Variants in ZNF728 observed in about 807,000 individuals in gnomAD.
The protein encoded by ZNF728 is zinc finger protein 728.
In ZNF728, 12 loss-of-function variants were observed where a neutral mutation model predicts 12.5. The ratio of observed to expected loss-of-function variants is 0.96; its 90% confidence interval spans 0.61 to 1.55. ZNF728 has a LOEUF of 1.55. ZNF728 is among the 40% of genes most tolerant of loss of function. The probability of loss-of-function intolerance (pLI) is 0.00; values close to 1 mark genes in which losing one functional copy is unlikely to be tolerated. For synonymous variants in ZNF728, 205 were observed against 240.7 expected, an observed-to-expected ratio of 0.85 and a Z score of 1.37; for missense variants, 692 against 719.2, an observed-to-expected ratio of 0.96 and a Z score of 0.43.
chr19:22,987,228 T>C, intron 3 of ZNF728, 80 bp downstream of exon 3: 3 of 1,264,512 alleles, frequency 2.4e-6, no homozygotes, highest in Non-Finnish European at 3.2e-6. Flanking sequence ...GGAACACAGC[T>C]TCCCATATCA....
chr19:22,982,315 G>C (rs1968868432), intron 3 of ZNF728, among the ~76,000 whole-genome samples: 1 of 152,150 alleles, frequency 6.6e-6, no homozygotes, highest in Non-Finnish European at 1.5e-5. Flanking sequence ...CAAGGGATGT[G>C]AAGGACCTCT....
In ZNF728 at chr19:22,975,386, A is replaced by C. The variant is rs1968781443; in HGVS notation, c.*82T>G. On this transcript the variant is annotated 3_prime_UTR_variant, in exon 4 of 4. Coordinates refer to ENST00000594710, the MANE Select transcript of ZNF728 (RefSeq NM_001267716.2). ...AGTTAAAAAATTTGCCACATTCTTC[A>C]CATTTGTAGGGTTTCCCTCCTGTAT... 11 of 1,366,390 alleles carry C rather than the reference A, an allele frequency of 8.1e-6. No individual in the cohort carries two copies. The South Asian group carries it at 1.5e-4, about 19-fold the overall frequency. 84.6% of individuals were successfully genotyped at this position (1,366,390 alleles called of 1,614,324 possible).
Position 22,975,371 on chromosome 19 carries a change from T to A in ZNF728, c.*97A>T. On this transcript the variant is annotated 3_prime_UTR_variant, in exon 4 of 4. Coordinates refer to ENST00000594710, the MANE Select transcript of ZNF728 (RefSeq NM_001267716.2). ...TAAGGATTGAGGAACAGTTAAAAAA[T>A]TTGCCACATTCTTCACATTTGTAGG... 2 of 1,152,724 alleles carry A rather than the reference T, an allele frequency of 1.7e-6. No individual in the cohort carries two copies. The highest frequency in any genetic ancestry group is 2.5e-6 in the Non-Finnish European group (2 of 811,922). The allele number at this position is 1,152,724 out of a possible 1,614,324, so 71.4% of individuals were successfully genotyped here.
chr19:22,995,714 G>T (rs1485581222), intron 1 of ZNF728: 1 of 152,144 alleles, frequency 6.6e-6, no homozygotes, highest in Non-Finnish European at 1.5e-5. Flanking sequence ...TGGGATTAGA[G>T]GCATGAGCCA....
At chr19:22,977,768 G>A (rs112993757) in intron 3 of ZNF728, among the ~76,000 whole-genome samples, 69 of 151,892 alleles carry the variant, frequency 4.5e-4, no homozygotes, top group African/African-American at 1.5e-3. Context: ...ATAATCTCTA[G>A]CCAAGACCAT....
chr19:22,977,621 G>A (rs1437907780), intron 3 of ZNF728, among the ~76,000 whole-genome samples: 2 of 152,160 alleles, frequency 1.3e-5, no homozygotes, highest in African/African-American at 4.8e-5. Flanking sequence ...CAATGCAGCA[G>A]AGCACTGCAG....
chr19:22,975,519 G>A lies in ZNF728; in HGVS notation c.1818C>T (p.His606=). 1.3e-6 allele frequency: 2 copies of A among 1,566,356 alleles called. No individual in the cohort carries two copies. Among genetic ancestry groups the A allele is most frequent in the Non-Finnish European group, 1.7e-6 (2 of 1,158,344 alleles). The change falls in exon 4 of 4, where the codon CAC becomes CAT. Residue 606 remains histidine, a synonymous_variant. Transcript: ENST00000594710. ...TATGAATTCTCTTATGAGTAGTAAG[G>A]TGTGAGGATTGGTTGAAGTCTTTAC... The part of the protein sequence containing the change: ...ECGKDFNQSS[H]LTTHKRIHTG...
At chr19:22,995,836 C>A (rs1969044068) in intron 1 of ZNF728, 1 of 152,158 alleles carries the variant, frequency 6.6e-6, no homozygotes, top group South Asian at 2.1e-4. Context: ...TGACAACTTC[C>A]AGTAGCACTT....
At chr19:22,990,249 C>T (rs1279469226) in intron 1 of ZNF728, among the ~76,000 whole-genome samples, 4 of 151,090 alleles carry the variant, frequency 2.6e-5, no homozygotes, top group Non-Finnish European at 4.4e-5. Context: ...ATCTGAGACA[C>T]ATTTAGCTGA....
intron 1 of ZNF728, among the ~76,000 whole-genome samples, chr19:22,997,746 A>G (rs1049350055): frequency 6.6e-6 from 1 of 152,024 alleles, no homozygotes; most frequent in African/African-American, 2.4e-5. Context: ...AAAAAAAGGA[A>G]ATAAACTACT....
chr19:23,002,487 G>A (rs1969123461), intron 1 of ZNF728, among the ~76,000 whole-genome samples: 1 of 152,190 alleles, frequency 6.6e-6, no homozygotes, highest in Non-Finnish European at 1.5e-5. Context: ...ATCGAATTTG[G>A]TTTTCTTCAT....
chr19:22,983,157 T>A (rs1452812375), intron 3 of ZNF728, among the ~76,000 whole-genome samples: 1 of 150,886 alleles, frequency 6.6e-6, no homozygotes, highest in Non-Finnish European at 1.5e-5. Context: ...CTTAAACAAA[T>A]TTACAAGAAA....
chr19:22,992,898 A>T (rs1969005955), intron 1 of ZNF728, among the ~76,000 whole-genome samples: 1 of 152,200 alleles, frequency 6.6e-6, no homozygotes, highest in Non-Finnish European at 1.5e-5. Context: ...CAGGCAGAGA[A>T]GACTCGGGAT....
At chr19:22,979,866 A>G (rs1363219516) in intron 3 of ZNF728, among the ~76,000 whole-genome samples, 1 of 152,204 alleles carries the variant, frequency 6.6e-6, no homozygotes, top group East Asian at 1.9e-4. Flanking sequence ...GAAGCACTAA[A>G]CATACAAAGG....
intron 3 of ZNF728, among the ~76,000 whole-genome samples, chr19:22,981,205 C>T (rs1216591341): frequency 1.3e-5 from 2 of 152,152 alleles, no homozygotes; most frequent in African/African-American, 4.8e-5. Context: ...GACATCAGCA[C>T]TGATTCCACA....
intron 3 of ZNF728, among the ~76,000 whole-genome samples, chr19:22,983,893 A>C (rs1968886683): frequency 6.6e-6 from 1 of 152,160 alleles, no homozygotes; most frequent in African/African-American, 2.4e-5. Flanking sequence ...ATTAGGAGAA[A>C]TACCTAATGT....
At chr19:22,980,669 G>T (rs1361412652) in intron 3 of ZNF728, among the ~76,000 whole-genome samples, 2 of 150,868 alleles carry the variant, frequency 1.3e-5, no homozygotes, top group Non-Finnish European at 3.0e-5. Context: ...AATGGAAATC[G>T]TAACAGTCTC....
At chr19:22,991,419 G>T (rs1968986332) in intron 1 of ZNF728, among the ~76,000 whole-genome samples, 1 of 151,846 alleles carries the variant, frequency 6.6e-6, no homozygotes, top group Admixed American at 6.6e-5. Context: ...GCATAGAAAA[G>T]GTAAATATAG....
chr19:23,003,132 G>T lies in ZNF728; in HGVS notation c.-102C>A. On this transcript the variant is annotated 5_prime_UTR_variant, in exon 1 of 4. In the 5' UTR this introduces an upstream ATG that the reference lacks. Transcript: ENST00000594710. ...GGCCTTTAGGAGCGGACGACACACAGCAGTAAGGACGACACCTTGACCTCC... is the reference window on the plus strand; with the variant it reads ...GGCCTTTAGGAGCGGACGACACACATCAGTAAGGACGACACCTTGACCTCC... 7.2e-7 allele frequency: 1 copy of T among 1,385,838 alleles called. No homozygotes were observed. Among genetic ancestry groups the T allele is most frequent in the Non-Finnish European group, 9.7e-7 (1 of 1,027,246 alleles). The allele number at this position is 1,385,838 out of a possible 1,614,324, so 85.8% of individuals were successfully genotyped here.
Sources: allele counts gnomAD v4.1 joint callset (sites outside exome capture counted in the v4.1 genomes callset), GRCh38; gene constraint gnomAD v4.1.1; transcripts MANE v1.5; gene names NCBI Gene and HGNC (gene_info 2026-07-23, HGNC 2026-07-21).